GLI3: variants seen among roughly 807,000 people sequenced by gnomAD.
The protein encoded by GLI3 is GLI family zinc finger 3.
Under a neutral mutation model 100.8 loss-of-function variants are expected in GLI3, and 20 were observed. That is an observed-to-expected ratio of 0.20 (90% CI 0.14 to 0.29). The LOEUF is 0.29. Among genes scored for constraint, GLI3 ranks in the 10% least tolerant of loss-of-function variants. The probability of loss-of-function intolerance (pLI) is 1.00; values close to 1 mark genes in which losing one functional copy is unlikely to be tolerated. For synonymous variants in GLI3, 938 were observed against 860.5 expected, an observed-to-expected ratio of 1.09 and a Z score of -1.58; for missense variants, 2,040 against 2,128.5, an observed-to-expected ratio of 0.96 and a Z score of 0.82.
intron 4 of GLI3, among the ~76,000 whole-genome samples, chr7:42,068,022 CT>C (rs1292870966): frequency 6.6e-6 from 1 of 152,212 alleles, no homozygotes; most frequent in Non-Finnish European, 1.5e-5. Context: ...AAACCTATGG[CT>C]TTGGGTTAGA....
At chr7:42,107,047 G>T (rs1222903182) in intron 3 of GLI3, among the ~76,000 whole-genome samples, 2 of 152,084 alleles carry the variant, frequency 1.3e-5, no homozygotes, top group African/African-American at 4.8e-5. Flanking sequence ...CAGGTGTGGC[G>T]GCTCACACCT....
At chr7:41,977,450 A>C (rs2128712160) in intron 12 of GLI3, 108 bp downstream of exon 12, 1,186 of 964,592 alleles carry the variant, frequency 1.2e-3, no homozygotes, top group Non-Finnish European at 1.6e-3. Context: ...CATGCTGGGA[A>C]TGGCCAAGGG....
intron 3 of GLI3, among the ~76,000 whole-genome samples, chr7:42,095,632 G>A (rs889318493): frequency 5.3e-5 from 8 of 152,146 alleles, no homozygotes; most frequent in African/African-American, 1.9e-4. Flanking sequence ...TTCTGGCCCA[G>A]GTGAGTGTTA....
At chr7:42,132,755 A>C (rs953904916) in intron 3 of GLI3, among the ~76,000 whole-genome samples, 1 of 152,216 alleles carries the variant, frequency 6.6e-6, no homozygotes, top group Non-Finnish European at 1.5e-5. Flanking sequence ...TCCTCAGAAA[A>C]TTAGCCCCAA....
intron 2 of GLI3, among the ~76,000 whole-genome samples, chr7:42,210,782 C>A (rs1157311084): frequency 6.6e-6 from 1 of 152,110 alleles, no homozygotes; most frequent in Non-Finnish European, 1.5e-5. Context: ...GGCAGAGATA[C>A]TTTGCATGTA....
intron 3 of GLI3, among the ~76,000 whole-genome samples, chr7:42,081,760 T>C (rs1583540186): frequency 6.6e-6 from 1 of 152,146 alleles, no homozygotes; most frequent in East Asian, 1.9e-4. Context: ...GAAATTTACA[T>C]ACAAAAATTG....
intron 4 of GLI3, among the ~76,000 whole-genome samples, chr7:42,052,967 C>T (rs1285330407): frequency 1.3e-5 from 2 of 152,140 alleles, no homozygotes; most frequent in Non-Finnish European, 2.9e-5. Flanking sequence ...AAATTCTTGG[C>T]AGCTAGATCA....
chr7:42,172,607 T>A lies in GLI3; in HGVS notation c.125-24139A>T, dbSNP rs1787397817. ...CAAGAGGATCTGTGGCTGAGTCGTT[T>A]GTGCAGCAGCAGGGATGGACAGCGC... On this transcript the variant is annotated intron_variant, in intron 2 of 14. Transcript: ENST00000395925. 4 of 702,930 alleles carry A rather than the reference T, an allele frequency of 5.7e-6. No homozygotes were observed. In the African/African-American group the frequency reaches 7.0e-5, roughly 12 times the overall value. The allele number at this position is 702,930 out of a possible 1,614,324, so 43.5% of individuals were successfully genotyped here.
intron 4 of GLI3, among the ~76,000 whole-genome samples, chr7:42,059,697 G>A (rs1026867168): frequency 2.6e-5 from 4 of 152,216 alleles, no homozygotes; most frequent in Non-Finnish European, 5.9e-5. Flanking sequence ...TGCTCTCATT[G>A]GTTGGATTCT....
chr7:42,119,289 G>A (rs932606066), intron 3 of GLI3, among the ~76,000 whole-genome samples: 7 of 152,108 alleles, frequency 4.6e-5, no homozygotes, highest in African/African-American at 7.2e-5. Flanking sequence ...GTTTTTCCTC[G>A]ACCGGTTTTT....
At chr7:42,180,359 T>C (rs1172369565) in intron 2 of GLI3, among the ~76,000 whole-genome samples, 1 of 152,134 alleles carries the variant, frequency 6.6e-6, no homozygotes, top group Non-Finnish European at 1.5e-5. Context: ...CAAAAGAGAA[T>C]GGCTGAGGGT....
At chr7:42,109,704 A>G (rs562747435) in intron 3 of GLI3, among the ~76,000 whole-genome samples, 22 of 152,326 alleles carry the variant, frequency 1.4e-4, no homozygotes, top group African/African-American at 5.3e-4. Flanking sequence ...CAGAACAATG[A>G]AGAATCAACA....
At chr7:42,060,679 A>C (rs972098307) in intron 4 of GLI3, among the ~76,000 whole-genome samples, 1 of 152,190 alleles carries the variant, frequency 6.6e-6, no homozygotes, top group Non-Finnish European at 1.5e-5. Flanking sequence ...TAGGCAAAAT[A>C]ATATCCTTTC....
At chr7:42,229,012 G>C (rs760230244) in intron 1 of GLI3, among the ~76,000 whole-genome samples, 15 of 152,060 alleles carry the variant, frequency 9.9e-5, no homozygotes, top group Non-Finnish European at 1.5e-5. Context: ...ACCCCCATGG[G>C]AGCAGGATTC....
chr7:42,124,330 A>C (rs1786074739), intron 3 of GLI3, among the ~76,000 whole-genome samples: 1 of 152,196 alleles, frequency 6.6e-6, no homozygotes, highest in Admixed American at 6.5e-5. Flanking sequence ...AGATTATTTC[A>C]AATTTGTAAA....
chr7:41,966,569 C>A lies in GLI3; in HGVS notation c.2504G>T (p.Gly835Val). 2.5e-6 allele frequency: 4 copies of A among 1,614,054 alleles called. No homozygotes were observed. The highest frequency in any genetic ancestry group is 3.4e-6 in the Non-Finnish European group (4 of 1,180,006). The change falls in exon 15 of 15, where the codon GGG becomes GTG. Residue 835 changes from glycine to valine, a missense_variant. Around this residue, in one of 5 missense-constraint regions of GLI3, gnomAD observed 327 missense variants for 338.7 expected, o/e 0.97. Coordinates refer to ENST00000395925, the MANE Select transcript of GLI3 (RefSeq NM_000168.6). This position sits in a 1 kb window ranked among gnomAD's most constrained non-coding sequence, Gnocchi z 5.8. ...CATGTTCAGCATAGTGACGTCCACC[C>A]CAGAGAGGTCGCTTCTGCCCGGGAG... ...TLLPGRSDLSGVDVTMLNMLN... is the reference protein window; with the variant it reads ...TLLPGRSDLSVVDVTMLNMLN...
chr7:42,173,912 C>T (rs1787427553), intron 2 of GLI3, among the ~76,000 whole-genome samples: 2 of 152,154 alleles, frequency 1.3e-5, no homozygotes, highest in South Asian at 4.1e-4. Context: ...TGCCACATGG[C>T]TTTTATTTCT....
intron 2 of GLI3, among the ~76,000 whole-genome samples, chr7:42,192,735 A>T (rs1321196018): frequency 6.6e-6 from 1 of 152,242 alleles, no homozygotes; most frequent in African/African-American, 2.4e-5. Flanking sequence ...CTGTGTTAAA[A>T]CAGGAGGGGA....
At position 42,036,003 on chromosome 7, in the gene GLI3, G is replaced by A. The variant is rs180800214; in HGVS notation, c.1028+4035C>T. Among the ~76,000 whole-genome samples the A allele has an allele frequency of 3.1e-3, 478 of 152,238 alleles. 3 individuals are homozygous for A. The highest frequency in any genetic ancestry group is 0.011 in the African/African-American group (459 of 41,536). On this transcript the variant is annotated intron_variant, in intron 7 of 14. Transcript: ENST00000395925. ...TTATGAGATTTTAAAAGACTTGTCA[G>A]GTACGTCTAGACAATGCATTTTAAA... is the stretch of plus-strand genomic sequence containing the variant.
Sources: gnomAD v4.1 joint callset for allele counts (sites outside exome capture counted in the v4.1 genomes callset) on GRCh38, gnomAD v4.1.1 for gene constraint, gnomAD v4.1.1 regional missense constraint, Gnocchi (gnomAD v3.1) non-coding constraint, MANE v1.5 for transcripts, NCBI Gene and HGNC (gene_info 2026-07-23, HGNC 2026-07-21) for gene names.